The following HTR2C variants were observed in gnomAD, a reference collection of about 807,000 sequenced individuals.
HTR2C encodes 5-hydroxytryptamine receptor 2C.
HTR2C carries 5 observed loss-of-function variants against 21.0 expected under a neutral mutation model. The observed-to-expected ratio is 0.24, with a 90% confidence interval of 0.12 to 0.50. The LOEUF (loss-of-function observed/expected upper bound fraction) is 0.50, where lower values mean the gene tolerates loss of function less well. HTR2C is among the 20% of genes least tolerant of loss of function. The probability of loss-of-function intolerance (pLI) is 0.98; values close to 1 mark genes in which losing one functional copy is unlikely to be tolerated. For synonymous variants in HTR2C, 150 were observed against 145.3 expected (o/e 1.03, Z -0.23); for missense variants, 271 against 371.2 (o/e 0.73, Z 2.22).
At chrX:114,692,675 T>A (rs1029437373) in intron 2 of HTR2C, among the ~76,000 whole-genome samples, 1 of 111,285 alleles carries the variant, frequency 9.0e-6, no homozygotes, top group Non-Finnish European at 1.9e-5. Context: ...TAAAATAACT[T>A]TTTAAGTGCT....
chrX:114,723,992 G>A (rs1447805437), intron 2 of HTR2C, among the ~76,000 whole-genome samples: 2 of 100,129 alleles, frequency 2.0e-5, no homozygotes, highest in Non-Finnish European at 4.1e-5. Flanking sequence ...TGTATATTCT[G>A]TTGATTTGGG....
At chrX:114,693,103 A>T (rs1344744276) in intron 2 of HTR2C, among the ~76,000 whole-genome samples, 1 of 111,742 alleles carries the variant, frequency 8.9e-6, no homozygotes, top group Admixed American at 9.6e-5. Context: ...CCCTCAAGTA[A>T]CTGTTTAATA....
intron 1 of HTR2C, among the ~76,000 whole-genome samples, chrX:114,606,368 C>T (rs891506783): frequency 1.8e-5 from 2 of 111,633 alleles, no homozygotes; most frequent in Non-Finnish European, 3.8e-5. Context: ...GGTGAAGGAT[C>T]AAGGCAGGCG....
At chrX:114,620,997 C>G (rs1016100879) in intron 2 of HTR2C, among the ~76,000 whole-genome samples, 1 of 111,937 alleles carries the variant, frequency 8.9e-6, no homozygotes, top group Non-Finnish European at 1.9e-5. Context: ...TCTCCTGCCT[C>G]AACCTCCCAT....
rs782470127 is a variant in HTR2C, at chrX:114,608,793, G to A, written c.-146-5022G>A. 5.4e-5 allele frequency among the ~76,000 whole-genome samples: 6 copies of A among 111,692 alleles called. No homozygotes were observed. In the East Asian group the frequency reaches 1.7e-3, roughly 31 times the overall value. ...CAGAAAAACTAAGTTTCAAACTCAG[G>A]AAGGTTAAATTTCTAGTCCATTTCT... On this transcript the variant is annotated intron_variant, in intron 1 of 5. Coordinates refer to ENST00000276198, the MANE Select transcript of HTR2C (RefSeq NM_000868.4).
intron 4 of HTR2C, among the ~76,000 whole-genome samples, chrX:114,764,790 G>A (rs1415436107): frequency 2.7e-5 from 3 of 111,381 alleles, no homozygotes; most frequent in African/African-American, 9.8e-5. Context: ...TCCCTCTGTA[G>A]TGTCCAGTTC....
chrX:114,769,282 T>C (rs1292318286), intron 4 of HTR2C, among the ~76,000 whole-genome samples: 1 of 111,207 alleles, frequency 9.0e-6, no homozygotes, highest in East Asian at 2.8e-4. Flanking sequence ...GTATATTGGA[T>C]TCCAGCTAGA....
intron 1 of HTR2C, among the ~76,000 whole-genome samples, chrX:114,607,958 A>C (rs782406216): frequency 1.6e-4 from 18 of 111,397 alleles, no homozygotes; most frequent in Non-Finnish European, 5.7e-5. Context: ...CTGCACTCCA[A>C]CCTGGGCAAC....
intron 2 of HTR2C, among the ~76,000 whole-genome samples, chrX:114,683,671 C>G (rs1448303365): frequency 3.6e-5 from 4 of 110,977 alleles, no homozygotes; most frequent in Non-Finnish European, 7.6e-5. Context: ...CCCAGCTACT[C>G]AGGACCTCAG....
At chrX:114,726,501 A>G (rs1933492000) in intron 2 of HTR2C, among the ~76,000 whole-genome samples, 1 of 112,786 alleles carries the variant, frequency 8.9e-6, no homozygotes, top group Admixed American at 9.4e-5. Context: ...TGGGAGCTGT[A>G]GACCGGAGCT....
At chrX:114,669,586 T>A (rs1375692522) in intron 2 of HTR2C, among the ~76,000 whole-genome samples, 1 of 111,533 alleles carries the variant, frequency 9.0e-6, no homozygotes, top group Admixed American at 9.5e-5. Flanking sequence ...TCCCAACTAC[T>A]CAGGAGGCTG....
At chrX:114,683,919 T>G (rs1200634612) in intron 2 of HTR2C, among the ~76,000 whole-genome samples, 1 of 112,445 alleles carries the variant, frequency 8.9e-6, no homozygotes, top group African/African-American at 3.2e-5. Context: ...TTTTTTACAC[T>G]TAAAAATTTG....
At chrX:114,879,325 A>AAT (rs2071162895) in intron 5 of HTR2C, among the ~76,000 whole-genome samples, 2 of 110,105 alleles carry the variant, frequency 1.8e-5, no homozygotes, top group African/African-American at 6.5e-5. Context: ...ATTTCCATGT[A>AAT]ATATATATTT....
intron 4 of HTR2C, among the ~76,000 whole-genome samples, chrX:114,764,721 C>T (rs1451050331): frequency 1.8e-5 from 2 of 111,593 alleles, no homozygotes. Flanking sequence ...TGGGACGCAC[C>T]TCCTACGTTT....
At chrX:114,637,472 A>G (rs2011750472) in intron 2 of HTR2C, among the ~76,000 whole-genome samples, 1 of 112,192 alleles carries the variant, frequency 8.9e-6, no homozygotes, top group Non-Finnish European at 1.9e-5. Context: ...AGCTGCAGAC[A>G]TCTCTGACTA....
intron 1 of HTR2C, among the ~76,000 whole-genome samples, chrX:114,594,178 G>A (rs1556391925): frequency 9.0e-6 from 1 of 111,642 alleles, no homozygotes; most frequent in African/African-American, 3.2e-5. Flanking sequence ...CTATTTGATA[G>A]GACAGATAAC....
intron 5 of HTR2C, among the ~76,000 whole-genome samples, chrX:114,886,262 T>C (rs1266782560): frequency 9.0e-6 from 1 of 111,124 alleles, no homozygotes; most frequent in Non-Finnish European, 1.9e-5. Context: ...GTGCCTCCTG[T>C]GTACAGCATT....
chrX:114,720,392 A>G (rs1330349758), intron 2 of HTR2C, among the ~76,000 whole-genome samples: 1 of 111,215 alleles, frequency 9.0e-6, no homozygotes, highest in Admixed American at 9.6e-5. Flanking sequence ...CTATTAAATG[A>G]GATGGAAAAC....
intron 4 of HTR2C, among the ~76,000 whole-genome samples, chrX:114,753,154 C>T (rs1158902454): frequency 9.2e-6 from 1 of 108,674 alleles, no homozygotes; most frequent in Non-Finnish European, 1.9e-5. Flanking sequence ...ACTGGAGAGG[C>T]CTGTAACTCA....
Sources: gnomAD v4.1 joint callset for allele counts (sites outside exome capture counted in the v4.1 genomes callset) on GRCh38, gnomAD v4.1.1 for gene constraint, MANE v1.5 for transcripts, NCBI Gene and HGNC (gene_info 2026-07-23, HGNC 2026-07-21) for gene names.